The following VMA12 variants were observed in gnomAD, a reference collection of about 807,000 sequenced individuals.
The protein encoded by VMA12 is vacuolar ATPase assembly factor VMA12.
the VMA12 span, chr17:28,358,128 A>G: frequency 9.9e-3 from 5,468 of 552,390 alleles, 56 homozygotes; most frequent in Non-Finnish European, 0.011. Flanking sequence ...CCTAGGCCCA[A>G]TTCACCCTTG....
chr17:28,362,604 C>G, the VMA12 span: 1 of 152,188 alleles, frequency 6.6e-6, no homozygotes, highest in African/African-American at 2.4e-5. Flanking sequence ...TTGAGACCAG[C>G]CTGGGCAACA....
chr17:28,361,622 T>A, the VMA12 span: 1 of 222,224 alleles, frequency 4.5e-6, no homozygotes, highest in Non-Finnish European at 9.1e-6. Flanking sequence ...TGCCTTGAAC[T>A]TGTCCATATG....
the VMA12 span, chr17:28,357,842 C>T: frequency 1.2e-6 from 2 of 1,614,092 alleles, no homozygotes; most frequent in Non-Finnish European, 1.7e-6. Flanking sequence ...GGTTTCTTTC[C>T]GTCTCATCCG....
chr17:28,361,400 A>G, the VMA12 span: 1 of 671,744 alleles, frequency 1.5e-6, no homozygotes, highest in East Asian at 2.7e-5. Context: ...TTCTGTGGGG[A>G]GCCCTAATCT....
chr17:28,361,129 C>T, the VMA12 span: 1 of 1,609,918 alleles, frequency 6.2e-7, no homozygotes, highest in African/African-American at 1.3e-5. Context: ...GGCCTGCATC[C>T]CTTAAGCCTG....
the VMA12 span, chr17:28,363,604 T>C: frequency 6.6e-6 from 1 of 152,250 alleles, no homozygotes; most frequent in African/African-American, 2.4e-5. Flanking sequence ...CCATCCCAGA[T>C]CTGTCAGGTT....
the VMA12 span, chr17:28,357,702 T>A: frequency 6.2e-7 from 1 of 1,612,980 alleles, no homozygotes; most frequent in Non-Finnish European, 8.5e-7. Flanking sequence ...GGCGAGCGAT[T>A]GGTGCGTGCT....
At chr17:28,361,151 C>T in the VMA12 span, 1 of 1,613,998 alleles carries the variant, frequency 6.2e-7, no homozygotes, top group Non-Finnish European at 8.5e-7. Flanking sequence ...TTCTCCCCAT[C>T]TCCAGCGGGT....
At chr17:28,360,999 G>A in the VMA12 span, 15 of 897,082 alleles carry the variant, frequency 1.7e-5, no homozygotes, top group Non-Finnish European at 2.3e-5. Flanking sequence ...GCAGTCACGG[G>A]AGGTTAGGTA....
the VMA12 span, chr17:28,360,903 G>T: frequency 6.9e-7 from 1 of 1,459,578 alleles, no homozygotes. Flanking sequence ...AGTGGGTAAG[G>T]GAGGACGTAT....
the VMA12 span, chr17:28,361,858 G>A: frequency 6.5e-6 from 1 of 154,100 alleles, no homozygotes; most frequent in African/African-American, 2.4e-5. Context: ...CCCTTTTCCA[G>A]AAGATAAGAC....
At chr17:28,358,776 T>G in the VMA12 span, 1 of 695,040 alleles carries the variant, frequency 1.4e-6, no homozygotes, top group East Asian at 2.7e-5. Context: ...TTCTTTTCAA[T>G]TGAAAATGAT....
At chr17:28,358,278 G>C in the VMA12 span, 2 of 415,886 alleles carry the variant, frequency 4.8e-6, no homozygotes, top group African/African-American at 2.1e-5. Flanking sequence ...GGTGAAATCT[G>C]ATACTTTGTT....
At chr17:28,360,414 T>G in the VMA12 span, 40 of 972,690 alleles carry the variant, frequency 4.1e-5, no homozygotes, top group Non-Finnish European at 6.2e-5. Flanking sequence ...GACAAAAGAA[T>G]CCATGGGGAG....
At chr17:28,358,183 CTCT>C in the VMA12 span, 1 of 449,360 alleles carries the variant, frequency 2.2e-6, no homozygotes. Flanking sequence ...CAGGTTTTGT[CTCT>C]TCTTTTTCTC....
chr17:28,357,652 A>G, the VMA12 span: 2 of 1,610,150 alleles, frequency 1.2e-6, no homozygotes, highest in Non-Finnish European at 1.7e-6. Context: ...GGGTCACCTG[A>G]CCGGAGAGCC....
chr17:28,359,239 C>G, the VMA12 span: 2 of 1,495,042 alleles, frequency 1.3e-6, no homozygotes, highest in Non-Finnish European at 9.3e-7. Context: ...GTGCTTTACC[C>G]CTGGAACCAA....
chr17:28,363,015 G>A, the VMA12 span: 1 of 152,240 alleles, frequency 6.6e-6, no homozygotes, highest in South Asian at 2.1e-4. Flanking sequence ...GGCCTGTCTG[G>A]AGAGGGAACT....
chr17:28,357,647 A>T, the VMA12 span: 8 of 1,609,514 alleles, frequency 5.0e-6, no homozygotes, highest in Admixed American at 1.7e-5. Flanking sequence ...GGTTGGGGTC[A>T]CCTGACCGGA....
Sources: allele counts gnomAD v4.1 joint callset, GRCh38; gene constraint gnomAD v4.1.1; transcripts MANE v1.5; gene names NCBI Gene and HGNC (gene_info 2026-07-23, HGNC 2026-07-21).